EDN1: variants seen among roughly 807,000 people sequenced by gnomAD.
EDN1 encodes the protein endothelin-1.
A neutral mutation model predicts 21.7 loss-of-function variants in EDN1; 11 were observed. The ratio of observed to expected loss-of-function variants is 0.51; its 90% confidence interval spans 0.32 to 0.84. The LOEUF is 0.84. Among genes scored for constraint, EDN1 ranks in the 40% least tolerant of loss-of-function variants. The pLI is 0.03. For missense variants in EDN1, 244 were observed against 262.3 expected, an observed-to-expected ratio of 0.93 and a Z score of 0.48; for synonymous variants, 85 against 90.6, an observed-to-expected ratio of 0.94 and a Z score of 0.35.
At chr6:12,280,723 T>C in the EDN1 span, among the ~76,000 whole-genome samples, 3 of 152,096 alleles carry the variant, frequency 2.0e-5, no homozygotes, top group Non-Finnish European at 2.9e-5. Flanking sequence ...GACAAAACCC[T>C]GTCTCCACTG....
chr6:12,247,304 G>A, the EDN1 span, among the ~76,000 whole-genome samples: 1 of 152,034 alleles, frequency 6.6e-6, no homozygotes, highest in Admixed American at 6.6e-5. Context: ...GGTGCTGGAG[G>A]GTGAATGTGG....
the EDN1 span, among the ~76,000 whole-genome samples, chr6:12,252,168 T>A: frequency 5.3e-5 from 8 of 152,326 alleles, no homozygotes; most frequent in South Asian, 1.7e-3. Flanking sequence ...TGGACTTGGA[T>A]TCAATTTGCT....
the EDN1 span, among the ~76,000 whole-genome samples, chr6:12,248,356 G>C: frequency 6.6e-6 from 1 of 152,122 alleles, no homozygotes; most frequent in Non-Finnish European, 1.5e-5. Flanking sequence ...ATAAATGTCT[G>C]TGCCTTAAGC....
the EDN1 span, among the ~76,000 whole-genome samples, chr6:12,245,591 G>A: frequency 3.7e-4 from 56 of 152,270 alleles, no homozygotes; most frequent in Non-Finnish European, 6.9e-4. Context: ...TCTTAGCCTG[G>A]GCTATGTCCC....
the EDN1 span, among the ~76,000 whole-genome samples, chr6:12,275,902 C>T: frequency 7.9e-5 from 12 of 152,014 alleles, no homozygotes; most frequent in African/African-American, 2.9e-4. Flanking sequence ...GTGGCTCACG[C>T]CTGTAATCCC....
At chr6:12,288,932 T>C (rs1762610551), upstream of EDN1, among the ~76,000 whole-genome samples, 1 of 152,192 alleles carries the variant, frequency 6.6e-6, no homozygotes, top group Non-Finnish European at 1.5e-5. Flanking sequence ...TGGCATCCCC[T>C]GGGAAGAGAC....
chr6:12,289,008 T>C (rs1397426224), upstream of EDN1, among the ~76,000 whole-genome samples: 1 of 152,134 alleles, frequency 6.6e-6, no homozygotes, highest in African/African-American at 2.4e-5. Flanking sequence ...AAACAAAAAT[T>C]CTGGGTGCTC....
Position 12,290,389 on chromosome 6 carries a change from A to T in EDN1, c.-241A>T, listed in dbSNP as rs886179792. ...CGCGCCTCTGCATCTGCGCCAGGCG[A>T]ACGGGTCCTGCGCCTCCTGCAGTCC... On this transcript the variant is annotated 5_prime_UTR_variant, in exon 1 of 5. Coordinates refer to ENST00000379375, the MANE Select transcript of EDN1 (RefSeq NM_001955.5). The T allele has an allele frequency of 3.6e-6, 2 of 562,588 alleles. No individual in the cohort carries two copies. The highest frequency in any genetic ancestry group is 6.1e-5 in the Admixed American group (2 of 32,566). The allele number at this position is 562,588 out of a possible 1,614,324, so 34.8% of individuals were successfully genotyped here. A position where few individuals can be genotyped will look rare whatever the true frequency, so the allele number is the denominator to read the frequency against.
the EDN1 span, among the ~76,000 whole-genome samples, chr6:12,262,284 C>A: frequency 6.6e-6 from 1 of 152,166 alleles, no homozygotes; most frequent in African/African-American, 2.4e-5. Context: ...GGTACACCAA[C>A]AAAAGACAGA....
At chr6:12,233,589 T>A in the EDN1 span, among the ~76,000 whole-genome samples, 1 of 152,186 alleles carries the variant, frequency 6.6e-6, no homozygotes. Flanking sequence ...ATAATACAGA[T>A]GTTATTATAC....
the EDN1 span, among the ~76,000 whole-genome samples, chr6:12,245,636 C>A: frequency 2.0e-5 from 3 of 152,170 alleles, no homozygotes; most frequent in Non-Finnish European, 4.4e-5. Flanking sequence ...ATAGAAACAC[C>A]CTCAGATGAC....
the EDN1 span, among the ~76,000 whole-genome samples, chr6:12,250,095 CTT>C: frequency 7.2e-5 from 11 of 152,030 alleles, no homozygotes; most frequent in South Asian, 2.3e-3. Flanking sequence ...GCATTTTTGA[CTT>C]TAAGAAAAAT....
upstream of EDN1, among the ~76,000 whole-genome samples, chr6:12,290,190 CT>C (rs1762635614): frequency 6.6e-6 from 1 of 152,202 alleles, no homozygotes. Flanking sequence ...GCGTCTGCCT[CT>C]GAAGTTAGCA....
At chr6:12,233,055 A>G in the EDN1 span, among the ~76,000 whole-genome samples, 3 of 152,238 alleles carry the variant, frequency 2.0e-5, no homozygotes, top group Non-Finnish European at 4.4e-5. Flanking sequence ...GCTGGATCCA[A>G]AGAAAACCCA....
At chr6:12,293,254 C>T (rs896796401) in intron 2 of EDN1, among the ~76,000 whole-genome samples, 4 of 152,170 alleles carry the variant, frequency 2.6e-5, no homozygotes, top group Admixed American at 6.5e-5. Flanking sequence ...AATATCAAAC[C>T]ACACCAAAAA....
At chr6:12,264,392 A>C in the EDN1 span, among the ~76,000 whole-genome samples, 35,842 of 152,208 alleles carry the variant, frequency 0.24, 4,867 homozygotes, top group East Asian at 0.57. Context: ...ATGGTTCTGA[A>C]GGACAGAATA....
At chr6:12,286,693 C>T (rs1762563108), upstream of EDN1, among the ~76,000 whole-genome samples, 1 of 152,178 alleles carries the variant, frequency 6.6e-6, no homozygotes, top group Non-Finnish European at 1.5e-5. Context: ...CAATTTGCTA[C>T]TGTGTAGTAT....
chr6:12,258,075 T>A, the EDN1 span, among the ~76,000 whole-genome samples: 1 of 152,100 alleles, frequency 6.6e-6, no homozygotes, highest in Non-Finnish European at 1.5e-5. Context: ...TTGGAAGAAA[T>A]GCTGCAATTA....
the EDN1 span, among the ~76,000 whole-genome samples, chr6:12,257,776 G>A: frequency 8.5e-5 from 13 of 152,112 alleles, no homozygotes; most frequent in African/African-American, 2.7e-4. Flanking sequence ...TTTGGAACCG[G>A]TTTGTCATGC....
Sources: gnomAD v4.1 joint callset for allele counts (sites outside exome capture counted in the v4.1 genomes callset) on GRCh38, gnomAD v4.1.1 for gene constraint, MANE v1.5 for transcripts, NCBI Gene and HGNC (gene_info 2026-07-23, HGNC 2026-07-21) for gene names.